The following MALT1 variants were observed in gnomAD, a reference collection of about 807,000 sequenced individuals.
MALT1 encodes the protein MALT1 paracaspase, also known as mucosa-associated lymphoid tissue lymphoma translocation protein 1.
MALT1 carries 36 observed loss-of-function variants against 85.5 expected under a neutral mutation model. The observed-to-expected ratio is 0.42, with a 90% CI of 0.32 to 0.56. The LOEUF (loss-of-function observed/expected upper bound fraction) is 0.56. Among genes scored for constraint, MALT1 ranks in the 20% least tolerant of loss-of-function variants. The pLI, the probability that MALT1 is intolerant of heterozygous loss-of-function variation, is 0.10. For missense variants in MALT1, 716 were observed against 981.6 expected, an observed-to-expected ratio of 0.73 and a Z score of 3.62; for synonymous variants, 359 against 361.3, an observed-to-expected ratio of 0.99 and a Z score of 0.07.
Position 58,735,071 on chromosome 18 carries a change from C to T in MALT1, c.1476-131C>T, listed in dbSNP as rs889472499. The T allele has an allele frequency of 4.1e-6, 3 of 729,864 alleles. No individual in the cohort carries two copies. The African/African-American group carries it at 5.5e-5, about 13-fold the overall frequency. 45.2% of individuals were successfully genotyped at this position (729,864 alleles called of 1,614,324 possible). ...CAGTCCCCACGCTGTCCCCACCCCC[C>T]CCCAGCCTCTGGTAACCACCATTCT... On this transcript the variant is annotated intron_variant, in intron 12 of 16. Transcript: ENST00000649217.
In MALT1 at chr18:58,671,825, C is replaced by T; in HGVS notation, c.182C>T (p.Ala61Val). The T allele has an allele frequency of 1.6e-6, 2 of 1,230,392 alleles. No individual in the cohort carries two copies. The highest frequency in any genetic ancestry group is 1.0e-6 in the Non-Finnish European group (1 of 987,110). 76.2% of individuals were successfully genotyped at this position (1,230,392 alleles called of 1,614,324 possible). Reference protein sequence around the residue: ...GRGWRRLAELAGSRGRLRLSC... With the variant: ...GRGWRRLAELVGSRGRLRLSC... ...GGCTGGAGGAGACTGGCGGAGCTGGCGGGGAGTCGCGGGCGCCTCCGCCTC... is the reference window on the plus strand; with the variant it reads ...GGCTGGAGGAGACTGGCGGAGCTGGTGGGGAGTCGCGGGCGCCTCCGCCTC... The change falls in exon 1 of 17, where the codon GCG becomes GTG. Residue 61 changes from alanine to valine, a missense_variant. Physicochemically the swap from Ala to Val is moderately conservative, Grantham distance 64. Coordinates refer to ENST00000649217, the MANE Select transcript of MALT1 (RefSeq NM_006785.4).
intron 9 of MALT1, among the ~76,000 whole-genome samples, chr18:58,722,796 T>C (rs1367078248): frequency 6.6e-6 from 1 of 152,244 alleles, no homozygotes; most frequent in Non-Finnish European, 1.5e-5. Flanking sequence ...ATACAGCTAA[T>C]AAATATCCTT....
intron 10 of MALT1, among the ~76,000 whole-genome samples, chr18:58,727,642 T>TTTTTTTTTTG (rs2055082310): frequency 7.0e-6 from 1 of 143,646 alleles, no homozygotes; most frequent in African/African-American, 2.5e-5. Flanking sequence ...TTTTTTTTTT[T>TTTTTTTTTTG]GAGGAAAAAA....
intron 15 of MALT1, among the ~76,000 whole-genome samples, chr18:58,744,971 T>C (rs927659570): frequency 6.6e-6 from 1 of 151,670 alleles, no homozygotes. Context: ...CCTACATGAG[T>C]GTGACAAACT....
intron 15 of MALT1, among the ~76,000 whole-genome samples, 153 bp downstream of exon 15, chr18:58,744,648 T>TGATCAGTG (rs1362314775): frequency 1.3e-5 from 2 of 152,086 alleles, no homozygotes; most frequent in African/African-American, 4.8e-5. Context: ...GATCATAATA[T>TGATCAGTG]TTACTAATTG....
rs553666378 is a variant in MALT1, at chr18:58,745,289, A to C, written c.1912-377A>C. ...TTATTTATCCTTCTTAAATATTCTAATCATATAAATTTCCCTGCACCTTCC... is the reference window on the plus strand; with the variant it reads ...TTATTTATCCTTCTTAAATATTCTACTCATATAAATTTCCCTGCACCTTCC... On this transcript the variant is annotated intron_variant, in intron 15 of 16. Transcript: ENST00000649217. Among the ~76,000 whole-genome samples, 33 of 152,318 alleles carry C rather than the reference A, an allele frequency of 2.2e-4. No homozygotes were observed. The South Asian group carries it at 6.4e-3, about 30-fold the overall frequency.
In MALT1 at chr18:58,750,827, A is replaced by T. The variant is rs1450747406; in HGVS notation, c.*2985A>T. The T allele has an allele frequency of 6.6e-6, 1 of 152,220 alleles. No individual in the cohort carries two copies. The highest frequency in any genetic ancestry group is 1.5e-5 in the Non-Finnish European group (1 of 68,040). 9.4% of individuals were successfully genotyped at this position (152,220 alleles called of 1,614,324 possible). ...GTTGGGCTTAGGAATGGTTTCTTAG[A>T]CATAATACCAAAAGCACAAGCAACA... On this transcript the variant is annotated 3_prime_UTR_variant, in exon 17 of 17. Transcript: ENST00000649217.
At position 58,671,833 on chromosome 18, in the gene MALT1, C is replaced by A; in HGVS notation, c.190C>A (p.Arg64Ser). ...GAGACTGGCGGAGCTGGCGGGGAGT[C>A]GCGGGCGCCTCCGCCTCAGGTGAGC... ...WRRLAELAGSRGRLRLSCLDL... is the reference protein window; with the variant it reads ...WRRLAELAGSSGRLRLSCLDL... Residue 64 changes from arginine to serine, a missense_variant, in exon 1 of 17, where the codon CGC becomes AGC. Coordinates refer to ENST00000649217, the MANE Select transcript of MALT1 (RefSeq NM_006785.4). 1 of 1,229,242 alleles carries A rather than the reference C, an allele frequency of 8.1e-7. No individual in the cohort carries two copies. The highest frequency in any genetic ancestry group is 3.7e-5 in the South Asian group (1 of 26,970). The allele number at this position is 1,229,242 out of a possible 1,614,324, so 76.1% of individuals were successfully genotyped here.
intron 2 of MALT1, among the ~76,000 whole-genome samples, chr18:58,684,799 G>T (rs986070463): frequency 6.6e-6 from 1 of 151,972 alleles, no homozygotes; most frequent in Non-Finnish European, 1.5e-5. Flanking sequence ...TTACAGAGAA[G>T]AATTTTAATA....
Position 58,747,637 on chromosome 18 carries a change from T to G in MALT1, c.2270T>G (p.Phe757Cys), listed in dbSNP as rs1436895963. Residue 757 changes from phenylalanine (F) to cysteine (C), a missense_variant, in exon 17 of 17, where the codon TTC (phenylalanine) becomes TGC (cysteine). By Grantham distance (205) the Phe-to-Cys change is radical. Coordinates refer to ENST00000649217, the MANE Select transcript of MALT1 (RefSeq NM_006785.4). ...AGHYHSLQDP[F>C]HGVYHSHPGN... ...CATTATCACTCATTGCAAGACCCAT[T>G]CCATGGTGTTTACCATTCACATCCT... The G allele has an allele frequency of 6.2e-7, 1 of 1,614,186 alleles. No individual in the cohort carries two copies. Among genetic ancestry groups the G allele is most frequent in the South Asian group, 1.1e-5 (1 of 91,084 alleles).
intron 9 of MALT1, among the ~76,000 whole-genome samples, chr18:58,716,175 G>A (rs2054897252): frequency 6.6e-6 from 1 of 152,194 alleles, no homozygotes; most frequent in Admixed American, 6.5e-5. Context: ...GTCAACTTCT[G>A]TGGAGTGATT....
intron 1 of MALT1, chr18:58,672,630 AATTT>A (rs902071658): frequency 1.3e-5 from 2 of 152,212 alleles, no homozygotes; most frequent in Non-Finnish European, 2.9e-5. Flanking sequence ...AAAAAATATT[AATTT>A]ATTTAAAAAG....
At chr18:58,689,754 A>G (rs2054467833) in intron 2 of MALT1, among the ~76,000 whole-genome samples, 2 of 152,230 alleles carry the variant, frequency 1.3e-5, no homozygotes, top group Non-Finnish European at 2.9e-5. Flanking sequence ...AACCTGGATG[A>G]TGAGGAAAGA....
At chr18:58,740,781 G>A (rs766734519) in intron 13 of MALT1, among the ~76,000 whole-genome samples, 8 of 151,958 alleles carry the variant, frequency 5.3e-5, no homozygotes, top group East Asian at 3.8e-4. Flanking sequence ...TAGGTTTGGC[G>A]TATTAATTTT....
At chr18:58,706,095 C>T (rs149213005) in intron 4 of MALT1, among the ~76,000 whole-genome samples, 69 of 152,318 alleles carry the variant, frequency 4.5e-4, no homozygotes, top group African/African-American at 1.6e-3. Flanking sequence ...ACGCCATTCT[C>T]CTGCCTCAGG....
At position 58,748,250 on chromosome 18, in the gene MALT1, G is replaced by A; in HGVS notation, c.*408G>A. The A allele has an allele frequency of 4.2e-6, 1 of 240,594 alleles. No individual in the cohort carries two copies. Among genetic ancestry groups the A allele is most frequent in the Non-Finnish European group, 8.2e-6 (1 of 122,608 alleles). 14.9% of individuals were successfully genotyped at this position (240,594 alleles called of 1,614,324 possible). ...TTATCCATGGAAGAAACACAGAAAG[G>A]CATCTAAGTTAGAGCTGGCACCAGA... On this transcript the variant is annotated 3_prime_UTR_variant, in exon 17 of 17. Transcript: ENST00000649217.
intron 2 of MALT1, among the ~76,000 whole-genome samples, chr18:58,683,059 A>G (rs962688252): frequency 3.3e-5 from 5 of 152,218 alleles, no homozygotes; most frequent in Non-Finnish European, 5.9e-5. Context: ...TGATAGAAAC[A>G]GTAGAGTTCC....
intron 4 of MALT1, among the ~76,000 whole-genome samples, chr18:58,701,271 T>C (rs1430081611): frequency 1.3e-5 from 2 of 152,198 alleles, no homozygotes; most frequent in African/African-American, 4.8e-5. Context: ...ACGGCACCTA[T>C]ATTCAACTTC....
chr18:58,735,003 ACTTAT>A (rs567672988), intron 12 of MALT1, among the ~76,000 whole-genome samples, 194 bp from the exon 13 acceptor site: 88 of 152,340 alleles, frequency 5.8e-4, no homozygotes, highest in African/African-American at 2.0e-3. Context: ...CACCTCAAAT[ACTTAT>A]CTTTTTTCCT....
Sources: allele counts gnomAD v4.1 joint callset (sites outside exome capture counted in the v4.1 genomes callset), GRCh38; gene constraint gnomAD v4.1.1; transcripts MANE v1.5; gene names NCBI Gene and HGNC (gene_info 2026-07-23, HGNC 2026-07-21).